SNAP29: variants seen among roughly 807,000 people sequenced by gnomAD.
SNAP29 encodes synaptosomal-associated protein 29.
SNAP29 carries 13 observed loss-of-function variants against 27.9 expected under a neutral mutation model. The observed-to-expected ratio is 0.47, with a 90% CI of 0.30 to 0.74. The LOEUF is 0.74. Ranked by LOEUF, SNAP29 falls within the 30% of genes least tolerant of loss-of-function variation. The pLI is 0.06. For synonymous variants in SNAP29, 119 were observed against 127.1 expected (o/e 0.94, Z 0.43); for missense variants, 368 against 336.5 (o/e 1.09, Z -0.73).
At chr22:20,879,491 A>G (rs1928836260) in intron 2 of SNAP29, among the ~76,000 whole-genome samples, 1 of 151,862 alleles carries the variant, frequency 6.6e-6, no homozygotes, top group African/African-American at 2.4e-5. Flanking sequence ...GTAAATCGAG[A>G]TCACGCCACT....
intron 2 of SNAP29, among the ~76,000 whole-genome samples, chr22:20,872,917 T>A (rs1363642867): frequency 1.4e-5 from 2 of 140,082 alleles, no homozygotes; most frequent in African/African-American, 5.4e-5. Flanking sequence ...GAAACCTCTG[T>A]CTCCCAGGTT....
At chr22:20,880,263 C>T (rs570433592) in intron 2 of SNAP29, among the ~76,000 whole-genome samples, 3 of 151,872 alleles carry the variant, frequency 2.0e-5, no homozygotes, top group Admixed American at 6.6e-5. Flanking sequence ...TTTGGGAGGC[C>T]GAGGTGGGTG....
intron 4 of SNAP29, 126 bp downstream of exon 4, chr22:20,883,695 G>C (rs1240668140): frequency 1.4e-6 from 1 of 729,894 alleles, no homozygotes; most frequent in Non-Finnish European, 2.5e-6. Context: ...CCCACGCCAA[G>C]CTGGGTCCAT....
At chr22:20,868,913 G>T (rs114247132) in intron 1 of SNAP29, among the ~76,000 whole-genome samples, 1 of 152,218 alleles carries the variant, frequency 6.6e-6, no homozygotes, top group Admixed American at 6.5e-5. Context: ...TGTGGCCACA[G>T]AGCATCACTC....
intron 4 of SNAP29, among the ~76,000 whole-genome samples, chr22:20,887,468 TAC>T (rs3041344): frequency 1.6e-4 from 24 of 149,130 alleles, no homozygotes; most frequent in South Asian, 4.2e-4. Flanking sequence ...CACACACACA[TAC>T]ACACACACAC....
At chr22:20,875,369 A>G (rs751466247) in intron 2 of SNAP29, among the ~76,000 whole-genome samples, 1 of 152,200 alleles carries the variant, frequency 6.6e-6, no homozygotes, top group Non-Finnish European at 1.5e-5. Flanking sequence ...AGTAAATTCA[A>G]GAAAGCAAAA....
intron 1 of SNAP29, among the ~76,000 whole-genome samples, chr22:20,861,029 G>A (rs1234658409): frequency 6.6e-6 from 1 of 151,444 alleles, no homozygotes; most frequent in Non-Finnish European, 1.5e-5. Context: ...AGAGCAACAC[G>A]CTATCATTTC....
intron 1 of SNAP29, among the ~76,000 whole-genome samples, chr22:20,865,090 C>T (rs1446680565): frequency 6.6e-6 from 1 of 152,142 alleles, no homozygotes; most frequent in South Asian, 2.1e-4. Flanking sequence ...TGTGGTGGCT[C>T]ACACCTGTAA....
chr22:20,873,636 G>A (rs930884898), intron 2 of SNAP29, among the ~76,000 whole-genome samples: 3 of 151,908 alleles, frequency 2.0e-5, no homozygotes, highest in Non-Finnish European at 2.9e-5. Flanking sequence ...CTTGATCCCA[G>A]CCTGAGCAAC....
At chr22:20,883,781 C>T (rs1392380687) in intron 4 of SNAP29, among the ~76,000 whole-genome samples, 1 of 152,150 alleles carries the variant, frequency 6.6e-6, no homozygotes, top group African/African-American at 2.4e-5. Context: ...GCCCTCCCCA[C>T]CTCTCACTTT....
chr22:20,879,870 A>G (rs1267759398), intron 2 of SNAP29, among the ~76,000 whole-genome samples: 1 of 150,694 alleles, frequency 6.6e-6, no homozygotes, highest in Non-Finnish European at 1.5e-5. Flanking sequence ...AAAAAAAAAA[A>G]AAAAAGCCAG....
intron 2 of SNAP29, among the ~76,000 whole-genome samples, chr22:20,877,872 G>A (rs1354158775): frequency 1.3e-5 from 2 of 152,232 alleles, no homozygotes; most frequent in Non-Finnish European, 2.9e-5. Flanking sequence ...AAGGTGGCCA[G>A]GCAGACTCAG....
chr22:20,863,041 C>G (rs1425890104), intron 1 of SNAP29, among the ~76,000 whole-genome samples: 1 of 152,172 alleles, frequency 6.6e-6, no homozygotes, highest in Non-Finnish European at 1.5e-5. Context: ...GTGCACGCCA[C>G]CACACTCGAC....
chr22:20,859,018 G>T lies in SNAP29; in HGVS notation c.-93G>T, dbSNP rs534931954. On this transcript the variant is annotated 5_prime_UTR_variant, in exon 1 of 5. Transcript: ENST00000215730. Reference sequence around the variant, plus strand: ...GACGCGCGGAAGGAGTTCGCGCGACGACCGCGGGGTCGGCGGGCGGGGCGA... The same window carrying T: ...GACGCGCGGAAGGAGTTCGCGCGACTACCGCGGGGTCGGCGGGCGGGGCGA... The T allele has an allele frequency of 2.5e-4, 337 of 1,374,030 alleles. 3 individuals carry two copies. Among genetic ancestry groups the T allele is most frequent in the South Asian group, 2.3e-3 (169 of 74,908 alleles). The allele number at this position is 1,374,030 out of a possible 1,614,324, so 85.1% of individuals were successfully genotyped here.
chr22:20,881,835 G>C (rs572258577), intron 3 of SNAP29, among the ~76,000 whole-genome samples: 1 of 152,142 alleles, frequency 6.6e-6, no homozygotes, highest in African/African-American at 2.4e-5. Flanking sequence ...AGCTGTCCAC[G>C]TCCTAATCCC....
Position 20,890,652 on chromosome 22 carries a change from A to G in SNAP29, c.*2816A>G, listed in dbSNP as rs165739. On this transcript the variant is annotated 3_prime_UTR_variant, in exon 5 of 5. Transcript: ENST00000215730. ...TGGGCGCCTGTAGTCCCAGCTACTC[A>G]GGAGGCTGAGGCAGGAGAATGGCAT... 159,139 of 189,092 alleles carry G rather than the reference A, an allele frequency of 0.84. 67,591 individuals are homozygous for G. Among genetic ancestry groups the G allele is most frequent in the African/African-American group, 0.96 (40,283 of 41,870 alleles). The allele number at this position is 189,092 out of a possible 1,614,324, so 11.7% of individuals were successfully genotyped here.
At chr22:20,884,360 G>T (rs573120195) in intron 4 of SNAP29, among the ~76,000 whole-genome samples, 11 of 151,890 alleles carry the variant, frequency 7.2e-5, no homozygotes, top group African/African-American at 2.4e-4. Flanking sequence ...GAAGTGAAGG[G>T]TATATTCTTC....
At chr22:20,872,250 T>C (rs1354800900) in intron 2 of SNAP29, among the ~76,000 whole-genome samples, 1 of 133,162 alleles carries the variant, frequency 7.5e-6, no homozygotes, top group Non-Finnish European at 1.7e-5. Context: ...TATTTATTTA[T>C]TTTTTTTGAG....
chr22:20,878,410 G>A (rs778367909), intron 2 of SNAP29, among the ~76,000 whole-genome samples: 3 of 151,876 alleles, frequency 2.0e-5, no homozygotes, highest in Non-Finnish European at 4.4e-5. Flanking sequence ...CAAAAACCCT[G>A]TACTAAAAAT....
Sources: allele counts gnomAD v4.1 joint callset (sites outside exome capture counted in the v4.1 genomes callset), GRCh38; gene constraint gnomAD v4.1.1; transcripts MANE v1.5; gene names NCBI Gene and HGNC (gene_info 2026-07-23, HGNC 2026-07-21).